BBS9: variants seen among roughly 807,000 people sequenced by gnomAD.
The protein encoded by BBS9 is protein PTHB1.
BBS9 carries 89 observed loss-of-function variants against 117.7 expected under a neutral mutation model. The ratio of observed to expected loss-of-function variants is 0.76; its 90% CI spans 0.64 to 0.90. BBS9 has a LOEUF of 0.90. Among genes scored for constraint, BBS9 ranks in the 40% least tolerant of loss-of-function variants. The pLI, the probability that BBS9 is intolerant of heterozygous loss-of-function variation, is 0.00. For synonymous variants in BBS9, 379 were observed against 370.9 expected (o/e 1.02, Z -0.25); for missense variants, 982 against 1,042.2 (o/e 0.94, Z 0.80).
chr7:33,191,168 A>G (rs942432637), intron 5 of BBS9, among the ~76,000 whole-genome samples: 23 of 152,264 alleles, frequency 1.5e-4, no homozygotes, highest in African/African-American at 5.5e-4. Context: ...GGCAGCAGCA[A>G]CATACAGTCT....
intron 19 of BBS9, among the ~76,000 whole-genome samples, chr7:33,468,224 A>G (rs572019090): frequency 5.6e-4 from 85 of 152,248 alleles, no homozygotes; most frequent in Non-Finnish European, 1.1e-3. Flanking sequence ...GGCCGTGTGG[A>G]CACAGTGAGT....
chr7:33,600,794 C>T (rs974010157), intron 21 of BBS9, among the ~76,000 whole-genome samples: 4 of 152,156 alleles, frequency 2.6e-5, no homozygotes, highest in African/African-American at 4.8e-5. Flanking sequence ...TTCTGTGTCC[C>T]ATGCCTCCAT....
intron 21 of BBS9, among the ~76,000 whole-genome samples, chr7:33,551,690 T>A (rs1854441297): frequency 6.6e-6 from 1 of 152,156 alleles, no homozygotes; most frequent in African/African-American, 2.4e-5. Context: ...TATTATGTTC[T>A]GGCAGGGGAC....
Position 33,502,155 on chromosome 7 carries a change from G to A in BBS9, c.2116-3308G>A, listed in dbSNP as rs541877709. Among the ~76,000 whole-genome samples the A allele has an allele frequency of 8.5e-5, 13 of 152,158 alleles. No individual in the cohort carries two copies. The South Asian group carries it at 1.9e-3, about 22-fold the overall frequency. ...GAATGCCTGACCTTGTGATCTGCCC[G>A]CCTCGGCCTCCCAAAGTGCTGGGAT... On this transcript the variant is annotated intron_variant, in intron 19 of 22. Transcript: ENST00000242067.
At chr7:33,158,299 AGGCCT>A (rs1794369631) in intron 4 of BBS9, among the ~76,000 whole-genome samples, 1 of 152,176 alleles carries the variant, frequency 6.6e-6, no homozygotes, top group African/African-American at 2.4e-5. Context: ...TGTTTAAGTA[AGGCCT>A]GTTGCATAAA....
intron 9 of BBS9, among the ~76,000 whole-genome samples, chr7:33,290,650 T>G (rs1199025753): frequency 2.0e-5 from 3 of 152,210 alleles, no homozygotes; most frequent in South Asian, 2.1e-4. Flanking sequence ...AAAAAATTTT[T>G]TAGTGTGTGT....
chr7:33,424,328 G>T (rs1833318605), intron 19 of BBS9, among the ~76,000 whole-genome samples: 1 of 152,174 alleles, frequency 6.6e-6, no homozygotes, highest in African/African-American at 2.4e-5. Flanking sequence ...GCTAGATGCT[G>T]CTTGAAATGT....
At chr7:33,313,371 G>T (rs745721797) in intron 9 of BBS9, among the ~76,000 whole-genome samples, 1 of 152,062 alleles carries the variant, frequency 6.6e-6, no homozygotes, top group Non-Finnish European at 1.5e-5. Flanking sequence ...AAGAAGTTGC[G>T]TCAAATATTT....
Position 33,229,289 on chromosome 7 carries a change from C to T in BBS9, c.443-27947C>T, listed in dbSNP as rs1162942741. ...TCATGTTTTACATTAGTTCTCTAGACCTGTTTATTGTACATATCTGCTACT... is the reference window on the plus strand; with the variant it reads ...TCATGTTTTACATTAGTTCTCTAGATCTGTTTATTGTACATATCTGCTACT... On this transcript the variant is annotated intron_variant, in intron 5 of 22. Coordinates refer to ENST00000242067, the MANE Select transcript of BBS9 (RefSeq NM_198428.3). Among the ~76,000 whole-genome samples the T allele has an allele frequency of 2.0e-5, 3 of 152,014 alleles. No homozygotes were observed. In the South Asian group the frequency reaches 6.2e-4, roughly 32 times the overall value.
chr7:33,223,123 T>C (rs988901575), intron 5 of BBS9, among the ~76,000 whole-genome samples: 2 of 151,906 alleles, frequency 1.3e-5, no homozygotes, highest in Admixed American at 1.3e-4. Flanking sequence ...TATATACATT[T>C]ATTTTATATT....
At chr7:33,360,096 C>A (rs1820341939) in intron 16 of BBS9, among the ~76,000 whole-genome samples, 1 of 152,024 alleles carries the variant, frequency 6.6e-6, no homozygotes, top group African/African-American at 2.4e-5. Flanking sequence ...ACATAGTATT[C>A]TCTCATAAAT....
chr7:33,524,329 A>C (rs2129046597), intron 20 of BBS9, among the ~76,000 whole-genome samples: 1 of 152,284 alleles, frequency 6.6e-6, no homozygotes, highest in Non-Finnish European at 1.5e-5. Flanking sequence ...GAATGGTACC[A>C]GTTCCTCCTT....
rs749783672 is a variant in BBS9, at chr7:33,273,147, A to AT, written c.839dup (p.Met280IlefsTer5). On this transcript the variant is annotated frameshift_variant, in exon 8 of 23. Coordinates refer to ENST00000242067, the MANE Select transcript of BBS9 (RefSeq NM_198428.3). LOFTEE classifies it high-confidence loss of function. ...TAAGGATAATGGACAAATTCGATTC[A>AT]TGAAGAAGCTTGATTGGAGCCCAAG... 6.2e-7 allele frequency: 1 copy of AT among 1,613,654 alleles called. No homozygotes were observed. The highest frequency in any genetic ancestry group is 8.5e-7 in the Non-Finnish European group (1 of 1,179,804).
In BBS9 at chr7:33,308,036, G is replaced by A. The variant is rs116292577; in HGVS notation, c.1017-28405G>A. Among the ~76,000 whole-genome samples, 507 of 152,290 alleles carry A rather than the reference G, an allele frequency of 3.3e-3. 2 individuals are homozygous for A. The highest frequency in any genetic ancestry group is 0.012 in the African/African-American group (484 of 41,552). ...TGAAGTGACACGTGCTCATTGGTGTGTATGTGTATAGTGGGGCTGGGATTG... is the reference window on the plus strand; with the variant it reads ...TGAAGTGACACGTGCTCATTGGTGTATATGTGTATAGTGGGGCTGGGATTG... On this transcript the variant is annotated intron_variant, in intron 9 of 22. Transcript: ENST00000242067.
At chr7:33,378,156 A>G (rs1309296718) in intron 17 of BBS9, among the ~76,000 whole-genome samples, 1 of 152,070 alleles carries the variant, frequency 6.6e-6, no homozygotes, top group African/African-American at 2.4e-5. Context: ...AAGGCCACCC[A>G]TTTGTCTTTA....
chr7:33,605,243 T>A lies in BBS9; in HGVS notation c.*17T>A, dbSNP rs776778222. 8 of 1,610,946 alleles carry A rather than the reference T, an allele frequency of 5.0e-6. No individual in the cohort carries two copies. In the Admixed American group the frequency reaches 8.3e-5, roughly 17 times the overall value. On this transcript the variant is annotated 3_prime_UTR_variant, in exon 23 of 23. Coordinates refer to ENST00000242067, the MANE Select transcript of BBS9 (RefSeq NM_198428.3). ...TCGGAATAATTCAAGTAGAGTTGTTTGGTTGAGAGGAACATCCCCATCTCA... is the reference window on the plus strand; with the variant it reads ...TCGGAATAATTCAAGTAGAGTTGTTAGGTTGAGAGGAACATCCCCATCTCA...
intron 1 of BBS9, among the ~76,000 whole-genome samples, chr7:33,141,158 C>T (rs1791396227): frequency 6.6e-6 from 1 of 152,018 alleles, no homozygotes; most frequent in South Asian, 2.1e-4. Context: ...CATGGTGGTT[C>T]ACGCCTATAA....
At chr7:33,520,496 A>T (rs1848446240) in intron 20 of BBS9, among the ~76,000 whole-genome samples, 2 of 152,158 alleles carry the variant, frequency 1.3e-5, no homozygotes, top group African/African-American at 4.8e-5. Context: ...CAAGGAAAAT[A>T]TTGTCCTGGT....
chr7:33,168,381 T>G lies in BBS9; in HGVS notation c.329-9097T>G, dbSNP rs566547348. On this transcript the variant is annotated intron_variant, in intron 4 of 22. Coordinates refer to ENST00000242067, the MANE Select transcript of BBS9 (RefSeq NM_198428.3). The stretch of plus-strand genomic sequence containing the variant: ...GTACTCTTTGATAGAGGAGACTCAG[T>G]CTTTCAGTTATAAGACCTAAGACAG... 4.6e-5 allele frequency among the ~76,000 whole-genome samples: 7 copies of G among 152,332 alleles called. No homozygotes were observed. In the East Asian group the frequency reaches 1.3e-3, roughly 29 times the overall value.
Sources: gnomAD v4.1 joint callset for allele counts (sites outside exome capture counted in the v4.1 genomes callset) on GRCh38, gnomAD v4.1.1 for gene constraint, MANE v1.5 for transcripts, NCBI Gene and HGNC (gene_info 2026-07-23, HGNC 2026-07-21) for gene names.